NUMB: variants seen among roughly 807,000 people sequenced by gnomAD.
The protein encoded by NUMB is protein numb homolog.
NUMB carries 29 observed loss-of-function variants against 59.7 expected under a neutral mutation model. The observed-to-expected ratio is 0.49, with a 90% CI of 0.36 to 0.66. The LOEUF is 0.66. Among genes scored for constraint, NUMB ranks in the 30% least tolerant of loss-of-function variants. The pLI, the probability that NUMB is intolerant of heterozygous loss-of-function variation, is 0.00. For synonymous variants in NUMB, 288 were observed against 288.2 expected, an observed-to-expected ratio of 1.00 and a Z score of 0.01; for missense variants, 723 against 822.0, an observed-to-expected ratio of 0.88 and a Z score of 1.47.
chr14:73,357,932 C>T (rs532643284), intron 3 of NUMB, among the ~76,000 whole-genome samples: 1 of 151,486 alleles, frequency 6.6e-6, no homozygotes, highest in East Asian at 1.9e-4. Context: ...CTAAAAAAAC[C>T]CTGTTATGAT....
At chr14:73,369,955 G>T (rs950937640) in intron 2 of NUMB, among the ~76,000 whole-genome samples, 3 of 151,990 alleles carry the variant, frequency 2.0e-5, no homozygotes, top group African/African-American at 2.4e-5. Context: ...TGCTTATATT[G>T]AATTTTATTA....
intron 2 of NUMB, among the ~76,000 whole-genome samples, chr14:73,394,504 GC>G (rs1360001943): frequency 2.0e-5 from 3 of 151,900 alleles, no homozygotes; most frequent in African/African-American, 7.3e-5. Flanking sequence ...GAATTCCTGG[GC>G]CCCAGTGATC....
intron 3 of NUMB, among the ~76,000 whole-genome samples, chr14:73,358,245 T>C (rs1030557421): frequency 1.3e-5 from 2 of 152,184 alleles, no homozygotes; most frequent in African/African-American, 4.8e-5. Flanking sequence ...AGTATTTTAG[T>C]CTCTTTACCT....
intron 2 of NUMB, among the ~76,000 whole-genome samples, chr14:73,374,583 C>T (rs1894858880): frequency 2.6e-5 from 4 of 152,068 alleles, no homozygotes; most frequent in Admixed American, 2.6e-4. Flanking sequence ...GGTTTTCCAC[C>T]CATCTCAATT....
intron 7 of NUMB, among the ~76,000 whole-genome samples, chr14:73,294,104 G>A (rs1020062740): frequency 2.0e-5 from 3 of 152,142 alleles, no homozygotes; most frequent in Admixed American, 1.3e-4. Flanking sequence ...AATGGATTCC[G>A]TTACATTCCT....
At chr14:73,368,265 G>C in intron 2 of NUMB, among the ~76,000 whole-genome samples, 1 of 152,072 alleles carries the variant, frequency 6.6e-6, no homozygotes, top group East Asian at 1.9e-4. Context: ...CTATGAAATG[G>C]TATTCAAGGT....
At chr14:73,280,511 C>T (rs185006842) in intron 11 of NUMB, among the ~76,000 whole-genome samples, 2 of 151,802 alleles carry the variant, frequency 1.3e-5, no homozygotes, top group African/African-American at 2.4e-5. Flanking sequence ...CTCATCTCCC[C>T]TTGTTAAAAT....
intron 2 of NUMB, among the ~76,000 whole-genome samples, chr14:73,402,077 G>A (rs1486914859): frequency 6.6e-6 from 1 of 151,862 alleles, no homozygotes; most frequent in Non-Finnish European, 1.5e-5. Context: ...GTTTGCCCAG[G>A]CTGCAATCAA....
chr14:73,286,048 G>A (rs1888971762), intron 9 of NUMB: 1 of 151,756 alleles, frequency 6.6e-6, no homozygotes, highest in Non-Finnish European at 1.5e-5. Context: ...TTAAGAGACA[G>A]GGTTTTGCTG....
chr14:73,373,471 C>T (rs114225811), intron 2 of NUMB, among the ~76,000 whole-genome samples: 3,120 of 152,250 alleles, frequency 0.02, 105 homozygotes, highest in African/African-American at 0.071. Flanking sequence ...TTGCCAGGCA[C>T]TGTTCTTGGT....
intron 2 of NUMB, among the ~76,000 whole-genome samples, chr14:73,384,247 C>T (rs1179905966): frequency 6.6e-6 from 1 of 151,656 alleles, no homozygotes; most frequent in Non-Finnish European, 1.5e-5. Flanking sequence ...CACCACCATG[C>T]CCAGCTAATT....
At chr14:73,452,097 C>T (rs915540188) in intron 1 of NUMB, among the ~76,000 whole-genome samples, 1 of 151,930 alleles carries the variant, frequency 6.6e-6, no homozygotes, top group Non-Finnish European at 1.5e-5. Context: ...TGGTGGCTCA[C>T]GCCTGGAATC....
chr14:73,281,243 C>T (rs1168683783), intron 11 of NUMB, among the ~76,000 whole-genome samples: 2 of 145,962 alleles, frequency 1.4e-5, no homozygotes, highest in African/African-American at 2.4e-5. Flanking sequence ...CCTCTCTGAG[C>T]CTCTTTTTTT....
intron 4 of NUMB, among the ~76,000 whole-genome samples, chr14:73,326,052 G>T (rs1431523946): frequency 6.6e-6 from 1 of 152,088 alleles, no homozygotes; most frequent in East Asian, 1.9e-4. Context: ...TAGGTTTCTG[G>T]CTAGAGGTCA....
At chr14:73,385,660 C>T (rs1339185448) in intron 2 of NUMB, among the ~76,000 whole-genome samples, 4 of 151,918 alleles carry the variant, frequency 2.6e-5, no homozygotes, top group Non-Finnish European at 5.9e-5. Flanking sequence ...TGCCACCACA[C>T]CCGGCTAATT....
At chr14:73,418,788 C>A (rs1025234726) in intron 1 of NUMB, among the ~76,000 whole-genome samples, 2 of 151,720 alleles carry the variant, frequency 1.3e-5, no homozygotes, top group Non-Finnish European at 2.9e-5. Context: ...AAAAAAGTAA[C>A]TTTTATGTAT....
At chr14:73,437,830 A>G (rs1297306134) in intron 1 of NUMB, among the ~76,000 whole-genome samples, 1 of 152,234 alleles carries the variant, frequency 6.6e-6, no homozygotes, top group Non-Finnish European at 1.5e-5. Context: ...AGTTCTGAAT[A>G]TTATTCATCC....
At chr14:73,371,395 C>T (rs561662058) in intron 2 of NUMB, among the ~76,000 whole-genome samples, 81 of 151,882 alleles carry the variant, frequency 5.3e-4, no homozygotes, top group Middle Eastern at 3.2e-3. Flanking sequence ...ATTAGCCAGG[C>T]GTGGTGGTGC....
chr14:73,377,639 C>A (rs774179732), intron 2 of NUMB, among the ~76,000 whole-genome samples: 1 of 149,834 alleles, frequency 6.7e-6, no homozygotes, highest in Non-Finnish European at 1.5e-5. Context: ...CCGTCTCAAA[C>A]AAACAAACAA....
Sources: gnomAD v4.1 joint callset for allele counts (sites outside exome capture counted in the v4.1 genomes callset) on GRCh38, gnomAD v4.1.1 for gene constraint, MANE v1.5 for transcripts, NCBI Gene and HGNC (gene_info 2026-07-23, HGNC 2026-07-21) for gene names.